MGAT5B: variants seen among roughly 807,000 people sequenced by gnomAD.
The protein encoded by MGAT5B is N-acetylglucosaminyl-transferase Vb.
In MGAT5B, 54 loss-of-function variants were observed where a neutral mutation model predicts 95.1. The ratio of observed to expected loss-of-function variants is 0.57; its 90% CI spans 0.46 to 0.71. The LOEUF (loss-of-function observed/expected upper bound fraction) is 0.71. MGAT5B is among the 30% of genes least tolerant of loss of function. MGAT5B has a pLI of 0.00. For missense variants in MGAT5B, 935 were observed against 1,088.6 expected (o/e 0.86, Z 1.99); for synonymous variants, 464 against 451.0 (o/e 1.03, Z -0.36).
In MGAT5B at chr17:76,908,952, G is replaced by A. The variant is rs1968634293; in HGVS notation, c.1025+2765G>A. On this transcript the variant is annotated intron_variant, in intron 8 of 17. Coordinates refer to ENST00000569840, the MANE Select transcript of MGAT5B (RefSeq NM_001199172.2). ...CTCCCGAGTAGCTGGGATTACAGGC[G>A]GGTGCCACCGTGCCCAGCTAATTTT... 2.0e-5 allele frequency among the ~76,000 whole-genome samples: 3 copies of A among 150,620 alleles called. No homozygotes were observed. The South Asian group carries it at 6.3e-4, about 32-fold the overall frequency.
At position 76,930,627 on chromosome 17, in the gene MGAT5B, A is replaced by C. The variant is rs561067315; in HGVS notation, c.1292-2018A>C. ...CTCTTAACCCCTCCGTGGCGGACAGAGCTTTAGCAGTCACTGCACTCCACA... is the reference window on the plus strand; with the variant it reads ...CTCTTAACCCCTCCGTGGCGGACAGCGCTTTAGCAGTCACTGCACTCCACA... On this transcript the variant is annotated intron_variant, in intron 10 of 17. Transcript: ENST00000569840. The surrounding 1 kb of genome is among the most constrained non-coding windows in gnomAD (Gnocchi z 4.1). Among the ~76,000 whole-genome samples, 1 of 152,160 alleles carries C rather than the reference A, an allele frequency of 6.6e-6. No homozygotes were observed. The highest frequency in any genetic ancestry group is 2.4e-5 in the African/African-American group (1 of 41,436).
chr17:76,882,314 G>A lies in MGAT5B; in HGVS notation c.329+16G>A. ...CCGCAGACAGGTGAGGGGACGTGGG[G>A]AGGAGGCACACGGAGCAGGGGAGCG... On this transcript the variant is annotated intron_variant, in intron 3 of 17. Coordinates refer to ENST00000569840, the MANE Select transcript of MGAT5B (RefSeq NM_001199172.2). 14 of 1,599,584 alleles carry A rather than the reference G, an allele frequency of 8.8e-6. No homozygotes were observed. The highest frequency in any genetic ancestry group is 1.2e-5 in the Non-Finnish European group (14 of 1,174,114).
Position 76,889,950 on chromosome 17 carries a change from G to A in MGAT5B, c.329+7652G>A, listed in dbSNP as rs1471364375. Among the ~76,000 whole-genome samples the A allele has an allele frequency of 1.3e-5, 2 of 152,350 alleles. No individual in the cohort carries two copies. The highest frequency in any genetic ancestry group is 1.9e-4 in the East Asian group (1 of 5,182). On this transcript the variant is annotated intron_variant, in intron 3 of 17. Transcript: ENST00000569840. The surrounding 1 kb of genome is among the most constrained non-coding windows in gnomAD (Gnocchi z 4.4). ...GCCCTGAGGGCTTCCTGATCATGAC[G>A]AATGTCCCCAGCTTTTCTGTTGAAG... is the stretch of plus-strand genomic sequence containing the variant.
chr17:76,899,827 G>A (rs1160961234), intron 3 of MGAT5B, among the ~76,000 whole-genome samples: 2 of 102,824 alleles, frequency 1.9e-5, no homozygotes, highest in African/African-American at 3.5e-5. Context: ...TTCTCGGTGG[G>A]AGCACATCAC....
rs3803745 is a variant in MGAT5B, at chr17:76,948,852, G to T, written c.*14G>T. 6.4e-7 allele frequency: 1 copy of T among 1,563,888 alleles called. No individual in the cohort carries two copies. Among genetic ancestry groups the T allele is most frequent in the East Asian group, 2.3e-5 (1 of 42,644 alleles). On this transcript the variant is annotated 3_prime_UTR_variant, in exon 18 of 18. Coordinates refer to ENST00000569840, the MANE Select transcript of MGAT5B (RefSeq NM_001199172.2). ...GGCTGTCTGTGAATCCGCCTCTGCC[G>T]CCCTGCCTGGCACCCACGCTGGCTC... is the stretch of plus-strand genomic sequence containing the variant.
intron 3 of MGAT5B, among the ~76,000 whole-genome samples, chr17:76,886,262 T>G (rs1327935553): frequency 1.3e-5 from 2 of 152,048 alleles, no homozygotes; most frequent in Non-Finnish European, 2.9e-5. Flanking sequence ...TGAGAGCAGG[T>G]GGAGGGGACA....
rs2145223397 is a variant in MGAT5B, at chr17:76,918,498, G to A, written c.1026-6468G>A. Among the ~76,000 whole-genome samples the A allele has an allele frequency of 6.6e-6, 1 of 152,242 alleles. No individual in the cohort carries two copies. Among genetic ancestry groups the A allele is most frequent in the East Asian group, 1.9e-4 (1 of 5,178 alleles). ...GGTACAGGGAGGTCAGTCCATCCTG[G>A]GCAGGAAGAAAATGCTGCAGGACGG... On this transcript the variant is annotated intron_variant, in intron 8 of 17. Transcript: ENST00000569840. This position sits in a 1 kb window ranked among gnomAD's most constrained non-coding sequence, Gnocchi z 5.1.
At chr17:76,903,642 G>A (rs944025734) in intron 5 of MGAT5B, among the ~76,000 whole-genome samples, 4 of 152,344 alleles carry the variant, frequency 2.6e-5, no homozygotes, top group Admixed American at 6.5e-5. Context: ...GGCCCTGGCT[G>A]CCCTGTCCCT....
In MGAT5B at chr17:76,877,570, G is replaced by A. The variant is rs141995923; in HGVS notation, c.182-4581G>A. 3.2e-3 allele frequency among the ~76,000 whole-genome samples: 493 copies of A among 152,278 alleles called. 3 individuals are homozygous for A. The highest frequency in any genetic ancestry group is 0.014 in the Middle Eastern group (4 of 292). On this transcript the variant is annotated intron_variant, in intron 2 of 17. Coordinates refer to ENST00000569840, the MANE Select transcript of MGAT5B (RefSeq NM_001199172.2). ...TCTCAGGCTTGATGGATGGGGGACC[G>A]GGGCCCGGAGGTCTGAGGAAGAGCC...
chr17:76,939,029 G>GGT (rs372571720), intron 13 of MGAT5B, among the ~76,000 whole-genome samples: 6,119 of 128,132 alleles, frequency 0.048, 133 homozygotes, highest in East Asian at 0.088. Flanking sequence ...GCATCTTGGG[G>GGT]GTGTGTGTGT....
rs139562670 is a variant in MGAT5B at position 76,875,182 on chromosome 17, G to A, written c.181+2219G>A. 4.7e-3 allele frequency among the ~76,000 whole-genome samples: 711 copies of A among 152,228 alleles called. 4 individuals are homozygous for A. Among genetic ancestry groups the A allele is most frequent in the Middle Eastern group, 6.8e-3 (2 of 294 alleles). ...TTTTGGACTTTGTGAGCATGGAATC[G>A]TTTCAGGAGTTGATATGGTTTGGCT... is the stretch of plus-strand genomic sequence containing the variant. On this transcript the variant is annotated intron_variant, in intron 2 of 17. Transcript: ENST00000569840.
chr17:76,931,254 A>G (rs1432868123), intron 10 of MGAT5B, among the ~76,000 whole-genome samples: 2 of 151,706 alleles, frequency 1.3e-5, no homozygotes, highest in Non-Finnish European at 2.9e-5. Context: ...GCGCCACCAC[A>G]CCCGGTTAAT....
chr17:76,925,162 G>A (rs191314212), intron 9 of MGAT5B, 65 bp downstream of exon 9: 97 of 1,596,934 alleles, frequency 6.1e-5, no homozygotes, highest in Middle Eastern at 1.7e-4. Context: ...CCTCCTTCAC[G>A]CCCTGCCCCC....
intron 8 of MGAT5B, among the ~76,000 whole-genome samples, chr17:76,921,565 A>T (rs1055165461): frequency 6.6e-6 from 1 of 151,876 alleles, no homozygotes; most frequent in African/African-American, 2.4e-5. Flanking sequence ...GCGGGGGTCC[A>T]CCTTCCACCC....
intron 1 of MGAT5B, 171 bp from the exon 2 acceptor site, chr17:76,872,680 A>G (rs1157878766): frequency 1.3e-6 from 2 of 1,526,722 alleles, no homozygotes; most frequent in South Asian, 1.2e-5. Flanking sequence ...TCTTTATCCT[A>G]TAGTGGGGGG....
chr17:76,873,665 C>T (rs201769710), intron 2 of MGAT5B, among the ~76,000 whole-genome samples: 4 of 151,546 alleles, frequency 2.6e-5, no homozygotes, highest in Non-Finnish European at 4.4e-5. Context: ...GAGCCCTCCT[C>T]CTGAAGCTGG....
chr17:76,904,204 G>C, intron 5 of MGAT5B, 48 bp from the exon 6 acceptor site: 1 of 1,553,682 alleles, frequency 6.4e-7, no homozygotes, highest in Admixed American at 1.9e-5. Flanking sequence ...GTCCCCGAGG[G>C]TCAGTGGGGC....
At chr17:76,875,376 C>T (rs1967147670) in intron 2 of MGAT5B, among the ~76,000 whole-genome samples, 1 of 152,048 alleles carries the variant, frequency 6.6e-6, no homozygotes, top group South Asian at 2.1e-4. Flanking sequence ...GGGGCTTTTT[C>T]CCTTTTGCTC....
In MGAT5B at chr17:76,894,195, G is replaced by A. The variant is rs111543458; in HGVS notation, c.330-8360G>A. 6.5e-3 allele frequency among the ~76,000 whole-genome samples: 984 copies of A among 152,302 alleles called. 18 individuals carry two copies. Among genetic ancestry groups the A allele is most frequent in the African/African-American group, 0.022 (922 of 41,562 alleles). ...CCAGGAACATCCTCTCCAGCTGTCC[G>A]TCTCCAGCCATGTTGCCTGTTCAGC... On this transcript the variant is annotated intron_variant, in intron 3 of 17. Transcript: ENST00000569840.
Sources: gnomAD v4.1 joint callset for allele counts (sites outside exome capture counted in the v4.1 genomes callset) on GRCh38, gnomAD v4.1.1 for gene constraint, Gnocchi (gnomAD v3.1) non-coding constraint, MANE v1.5 for transcripts, NCBI Gene and HGNC (gene_info 2026-07-23, HGNC 2026-07-21) for gene names.